Variants in LINGO2 observed in about 807,000 individuals in gnomAD.
LINGO2 encodes the protein leucine rich repeat and Ig domain containing 2, also known as leucine-rich repeat and immunoglobulin-like domain-containing nogo receptor-interacting protein 2.
A neutral mutation model predicts 30.6 loss-of-function variants in LINGO2; 14 were observed. The observed-to-expected ratio is 0.46, with a 90% CI of 0.30 to 0.72. The LOEUF (loss-of-function observed/expected upper bound fraction) is 0.72. Ranked by LOEUF, LINGO2 falls within the 30% of genes least tolerant of loss-of-function variation. LINGO2 has a pLI of 0.07. For missense variants in LINGO2, 729 were observed against 751.7 expected (o/e 0.97, Z 0.35); for synonymous variants, 317 against 288.5 (o/e 1.10, Z -1.00).
the LINGO2 span, among the ~76,000 whole-genome samples, chr9:28,843,446 T>G: frequency 6.6e-6 from 1 of 151,636 alleles, no homozygotes; most frequent in Non-Finnish European, 1.5e-5. Context: ...GTTACAGAAA[T>G]AGATAAAGAC....
At chr9:28,693,579 T>C in the LINGO2 span, among the ~76,000 whole-genome samples, 1 of 152,108 alleles carries the variant, frequency 6.6e-6, no homozygotes, top group East Asian at 1.9e-4. Context: ...CTGGCAAGGC[T>C]TAGTCCCATT....
the LINGO2 span, among the ~76,000 whole-genome samples, chr9:28,753,049 G>A: frequency 6.6e-6 from 1 of 151,994 alleles, no homozygotes; most frequent in African/African-American, 2.4e-5. Flanking sequence ...GGAGATTTTT[G>A]ATTTTTTTAT....
At chr9:27,959,954 T>C (rs959363760) in intron 5 of LINGO2, among the ~76,000 whole-genome samples, 1 of 152,172 alleles carries the variant, frequency 6.6e-6, no homozygotes, top group Non-Finnish European at 1.5e-5. Flanking sequence ...AGCTCTGATA[T>C]TAAGCACATG....
the LINGO2 span, among the ~76,000 whole-genome samples, chr9:29,078,493 T>G: frequency 6.6e-6 from 1 of 151,956 alleles, no homozygotes; most frequent in Non-Finnish European, 1.5e-5. Flanking sequence ...ACTCTTTGAC[T>G]TGAATAAACC....
the LINGO2 span, among the ~76,000 whole-genome samples, chr9:28,872,386 T>G: frequency 6.6e-6 from 1 of 152,070 alleles, no homozygotes; most frequent in African/African-American, 2.4e-5. Flanking sequence ...ACATGACATT[T>G]AACAGGAAAG....
intron 3 of LINGO2, among the ~76,000 whole-genome samples, chr9:28,371,679 A>T (rs1820904249): frequency 6.6e-6 from 1 of 152,114 alleles, no homozygotes; most frequent in Non-Finnish European, 1.5e-5. Context: ...CTCATATATA[A>T]ATTCAGTTCT....
chr9:28,188,605 C>T (rs949783614), intron 4 of LINGO2, among the ~76,000 whole-genome samples: 3 of 152,040 alleles, frequency 2.0e-5, no homozygotes, highest in African/African-American at 7.2e-5. Flanking sequence ...TTTTTTCTAA[C>T]CCTTTTGGAT....
At chr9:28,448,382 A>G (rs778101760) in intron 2 of LINGO2, among the ~76,000 whole-genome samples, 24 of 152,178 alleles carry the variant, frequency 1.6e-4, no homozygotes, top group Non-Finnish European at 3.2e-4. Flanking sequence ...TTAATAGGCC[A>G]TAGAGTCAGA....
At chr9:28,091,788 T>C (rs553618270) in intron 4 of LINGO2, among the ~76,000 whole-genome samples, 2 of 152,124 alleles carry the variant, frequency 1.3e-5, no homozygotes, top group South Asian at 2.1e-4. Flanking sequence ...AGAAAATTTT[T>C]GCAATCTACT....
chr9:28,266,840 C>G (rs1335855524), intron 4 of LINGO2, among the ~76,000 whole-genome samples: 1 of 152,008 alleles, frequency 6.6e-6, no homozygotes, highest in African/African-American at 2.4e-5. Context: ...TAAGCTATGA[C>G]CAGTATTAAT....
chr9:28,545,742 T>C (rs962098968), intron 1 of LINGO2, among the ~76,000 whole-genome samples: 5 of 152,056 alleles, frequency 3.3e-5, no homozygotes, highest in African/African-American at 1.2e-4. Context: ...CTTAGAAATA[T>C]GCCAAATACT....
At chr9:27,947,419 G>A (rs780743283), downstream of LINGO2, among the ~76,000 whole-genome samples, 1 of 152,020 alleles carries the variant, frequency 6.6e-6, no homozygotes, top group Non-Finnish European at 1.5e-5. Context: ...ATATTTATGG[G>A]GCTATAACCT....
chr9:28,374,037 G>A (rs1025510876), intron 2 of LINGO2, among the ~76,000 whole-genome samples: 1 of 151,930 alleles, frequency 6.6e-6, no homozygotes. Flanking sequence ...AATCACAAAG[G>A]TTTCTCCTTT....
At chr9:29,084,046 TG>T in the LINGO2 span, among the ~76,000 whole-genome samples, 5 of 152,088 alleles carry the variant, frequency 3.3e-5, no homozygotes, top group African/African-American at 9.7e-5. Context: ...AAATCAAAAA[TG>T]TAATTTAGAC....
chr9:28,462,824 T>C (rs1424204833), intron 2 of LINGO2, among the ~76,000 whole-genome samples: 2 of 152,052 alleles, frequency 1.3e-5, no homozygotes, highest in Non-Finnish European at 2.9e-5. Flanking sequence ...AATTAAGTTC[T>C]GAGGATTTTT....
chr9:27,979,801 T>C (rs1243821667), intron 5 of LINGO2, among the ~76,000 whole-genome samples: 2 of 151,972 alleles, frequency 1.3e-5, no homozygotes, highest in East Asian at 3.9e-4. Context: ...ACCACTATTA[T>C]TGCATATTAA....
At chr9:28,817,316 C>A in the LINGO2 span, among the ~76,000 whole-genome samples, 6,309 of 152,212 alleles carry the variant, frequency 0.041, 197 homozygotes, top group Admixed American at 0.081. Flanking sequence ...AGAAAGCTAT[C>A]TTAACTAAGT....
chr9:28,157,795 A>G (rs1463627667), intron 4 of LINGO2, among the ~76,000 whole-genome samples: 1 of 152,148 alleles, frequency 6.6e-6, no homozygotes, highest in South Asian at 2.1e-4. Context: ...CAGGGGCAAA[A>G]TGCCACCGGT....
intron 4 of LINGO2, among the ~76,000 whole-genome samples, chr9:28,020,275 A>G (rs913694639): frequency 2.0e-5 from 3 of 152,112 alleles, no homozygotes; most frequent in African/African-American, 7.2e-5. Flanking sequence ...AATAAACTAG[A>G]AAGTGTTATT....
Sources: gnomAD v4.1 joint callset for allele counts (sites outside exome capture counted in the v4.1 genomes callset) on GRCh38, gnomAD v4.1.1 for gene constraint, MANE v1.5 for transcripts, NCBI Gene and HGNC (gene_info 2026-07-23, HGNC 2026-07-21) for gene names.